SP110: variants seen among roughly 807,000 people sequenced by gnomAD.
The protein encoded by SP110 is interferon-induced protein 41, 30kD.
In SP110, 62 loss-of-function variants were observed where a neutral mutation model predicts 92.7. That is an observed-to-expected ratio of 0.67 (90% CI 0.55 to 0.83). SP110 has a LOEUF of 0.83. SP110 is among the 40% of genes least tolerant of loss of function. SP110 has a pLI of 0.00. For missense variants in SP110, 793 were observed against 863.9 expected (o/e 0.92, Z 1.03); for synonymous variants, 273 against 305.3 (o/e 0.89, Z 1.10).
chr2:230,213,033 A>G lies in SP110; in HGVS notation c.317-6T>C, dbSNP rs748232014. On this transcript the variant is annotated splice_polypyrimidine_tract_variant and splice_region_variant and intron_variant, in intron 3 of 18. Coordinates refer to ENST00000258381, the MANE Select transcript of SP110 (RefSeq NM_080424.4). Reference sequence around the variant, plus strand: ...CCATTCATAGGAAGCACCAACTGGGATTGGTGAAGGGACACACATCAGTAC... The same window carrying G: ...CCATTCATAGGAAGCACCAACTGGGGTTGGTGAAGGGACACACATCAGTAC... 1.9e-6 allele frequency: 3 copies of G among 1,613,752 alleles called. No homozygotes were observed.
At chr2:230,222,613 A>G (rs1246806207), upstream of SP110, among the ~76,000 whole-genome samples, 2 of 151,822 alleles carry the variant, frequency 1.3e-5, no homozygotes, top group East Asian at 1.9e-4. Context: ...GGTCCCCGCT[A>G]TCAGGGAGAC....
chr2:230,202,917 G>A, intron 8 of SP110, 189 bp from the exon 9 acceptor site: 3 of 622,066 alleles, frequency 4.8e-6, no homozygotes, highest in Non-Finnish European at 8.5e-6. Flanking sequence ...ACCTTTCTTT[G>A]CCTCCCCAAA....
Position 230,200,931 on chromosome 2 carries a change from T to C in SP110, c.1083A>G (p.Gly361=). ...IIDGTSEMNE[G]KRSQKTPSTP... ...TACTAGGCGTCTTCTGGGACCTCTT[T>C]CCTTCATTCATTTCTGAAGTGCCAT... is the stretch of plus-strand genomic sequence containing the variant. The change falls in exon 10 of 19, where the codon GGA becomes GGG. Residue 361 remains glycine (G), a synonymous_variant. Coordinates refer to ENST00000258381, the MANE Select transcript of SP110 (RefSeq NM_080424.4). 1 of 1,614,006 alleles carries C rather than the reference T, an allele frequency of 6.2e-7. No individual in the cohort carries two copies. Among genetic ancestry groups the C allele is most frequent in the Non-Finnish European group, 8.5e-7 (1 of 1,179,872 alleles).
At position 230,200,894 on chromosome 2, in the gene SP110, CCCTT is replaced by C. The variant is rs2148850717; in HGVS notation, c.1116_1119del (p.Arg373SerfsTer22). ...AATCTCCAAGTTTTACCTTGTGTGACCCTTCGTGGTGTACTAGGCGTCTTCTGGG... is the reference window on the plus strand; with the variant it reads ...AATCTCCAAGTTTTACCTTGTGTGACCGTGGTGTACTAGGCGTCTTCTGGG... On this transcript the variant is annotated frameshift_variant, in exon 10 of 19. Coordinates refer to ENST00000258381, the MANE Select transcript of SP110 (RefSeq NM_080424.4). LOFTEE classifies it high-confidence loss of function. 2 of 1,612,196 alleles carry C rather than the reference CCCTT, an allele frequency of 1.2e-6. No individual in the cohort carries two copies. Among genetic ancestry groups the C allele is most frequent in the Non-Finnish European group, 8.5e-7 (1 of 1,178,268 alleles).
chr2:230,217,826 G>A (rs2045391735), intron 1 of SP110, among the ~76,000 whole-genome samples: 1 of 152,170 alleles, frequency 6.6e-6, no homozygotes, highest in Admixed American at 6.5e-5. Flanking sequence ...ATGCAACAGG[G>A]ACCACCCTAA....
chr2:230,205,238 A>T (rs2043638264), intron 8 of SP110, among the ~76,000 whole-genome samples: 1 of 152,134 alleles, frequency 6.6e-6, no homozygotes, highest in Admixed American at 6.5e-5. Context: ...TTTCAAGTTA[A>T]ACTACAACAG....
At position 230,165,838 on chromosome 2, in the gene SP110, T is replaced by C. The variant is rs3731723; in HGVS notation, c.*3286A>G. Among the ~76,000 whole-genome samples the C allele has an allele frequency of 0.57, 86,100 of 151,112 alleles. 24,603 individuals carry two copies. Among genetic ancestry groups the C allele is most frequent in the Non-Finnish European group, 0.6 (40,459 of 67,866 alleles). On this transcript the variant is annotated 3_prime_UTR_variant, in exon 19 of 19. Transcript: ENST00000258381. The stretch of plus-strand genomic sequence containing the variant: ...AGAAAAAAAATAGACAAAAATAACA[T>C]TAAAACATTAAAAAGAGAAATATTA...
intron 10 of SP110, 172 bp downstream of exon 10, chr2:230,200,713 T>C: frequency 1.5e-6 from 1 of 645,900 alleles, no homozygotes; most frequent in Non-Finnish European, 2.8e-6. Context: ...CATATATTTG[T>C]AGTAGTAAAT....
At position 230,208,000 on chromosome 2, in the gene SP110, G is replaced by C. The variant is rs1408085189; in HGVS notation, c.889C>G (p.Leu297Val). 2.6e-6 allele frequency: 4 copies of C among 1,548,502 alleles called. No individual in the cohort carries two copies. Among genetic ancestry groups the C allele is most frequent in the Non-Finnish European group, 3.6e-6 (4 of 1,123,556 alleles). ...TPKRRHKKKS[L>V]PGGTASSRHG... Reference sequence around the variant, plus strand: ...TGTACTCTCATCTTACCTCCTGGGAGGCTTTTTTTCTTATGTCTCCTTTTT... The same window carrying C: ...TGTACTCTCATCTTACCTCCTGGGACGCTTTTTTTCTTATGTCTCCTTTTT... Residue 297 changes from leucine (L) to valine (V), a missense_variant, in exon 8 of 19, where the codon CTC becomes GTC. By Grantham distance (32) the Leu-to-Val change is conservative (BLOSUM62 1). Transcript: ENST00000258381.
intron 2 of SP110, 78 bp downstream of exon 2, chr2:230,216,703 G>T (rs2045219373): frequency 1.3e-6 from 2 of 1,561,230 alleles, no homozygotes; most frequent in Middle Eastern, 4.3e-4. Flanking sequence ...AAGCCCTGGT[G>T]GTTTGTGGTT....
At chr2:230,177,456 C>T (rs751543294) in intron 14 of SP110, 82 bp downstream of exon 14, 127 of 1,386,136 alleles carry the variant, frequency 9.2e-5, no homozygotes, top group Non-Finnish European at 1.2e-4. Context: ...CTAACGGGAG[C>T]TCTTCACATT....
At chr2:230,170,428 G>A (rs2078406039) in intron 18 of SP110, among the ~76,000 whole-genome samples, 193 bp downstream of exon 18, 1 of 151,594 alleles carries the variant, frequency 6.6e-6, no homozygotes, top group South Asian at 2.1e-4. Context: ...TCCCTCCCCT[G>A]TCCTGCTTGC....
At chr2:230,215,894 A>G (rs558466760) in intron 2 of SP110, among the ~76,000 whole-genome samples, 2 of 152,290 alleles carry the variant, frequency 1.3e-5, no homozygotes, top group South Asian at 2.1e-4. Flanking sequence ...AGGGGTCTTC[A>G]TGAGATGAGT....
At chr2:230,224,533 G>GGA (rs138737381), upstream of SP110, among the ~76,000 whole-genome samples, 3 of 150,724 alleles carry the variant, frequency 2.0e-5, no homozygotes, top group East Asian at 1.9e-4. Flanking sequence ...GAGAGAGAGA[G>GGA]GAGAGAGAGA....
chr2:230,179,781 A>G (rs1277939483), intron 12 of SP110, among the ~76,000 whole-genome samples: 2 of 151,802 alleles, frequency 1.3e-5, no homozygotes, highest in Non-Finnish European at 2.9e-5. Flanking sequence ...TCCCAAACAC[A>G]TTCACAAGCA....
intron 10 of SP110, among the ~76,000 whole-genome samples, chr2:230,194,683 T>G (rs2042783067): frequency 6.6e-6 from 1 of 152,210 alleles, no homozygotes; most frequent in Non-Finnish European, 1.5e-5. Flanking sequence ...ACTCCAAATC[T>G]AATCCAGTTT....
chr2:230,172,133 G>A lies in SP110; in HGVS notation c.1748C>T (p.Ser583Leu). ...TACATGATGGCACTGTTGGCTTCCT[G>A]AAGACCTCTTCATCCTGCAGAAGGT... ...SCTFCRMKRS[S>L]GSQQCHHVSK... Residue 583 changes from serine to leucine, a missense_variant, in exon 16 of 19, where the codon TCA (serine) becomes TTA (leucine). Physicochemically the swap from Ser to Leu is moderately radical, Grantham distance 145 (BLOSUM62 -2). Transcript: ENST00000258381. 6.2e-7 allele frequency: 1 copy of A among 1,613,654 alleles called. No individual in the cohort carries two copies. The highest frequency in any genetic ancestry group is 8.5e-7 in the Non-Finnish European group (1 of 1,179,526).
intron 2 of SP110, 74 bp from the exon 3 acceptor site, chr2:230,215,192 A>T (rs1356599467): frequency 8.2e-7 from 1 of 1,214,400 alleles, no homozygotes. Context: ...ATGGTTTTCT[A>T]AGTTTTAAGA....
At chr2:230,178,279 T>C in intron 12 of SP110, 24 bp from the exon 13 acceptor site, 1 of 1,392,384 alleles carries the variant, frequency 7.2e-7, no homozygotes, top group Non-Finnish European at 1.0e-6. Context: ...AGAACAGTTT[T>C]GTGTTATTCA....
Sources: gnomAD v4.1 joint callset for allele counts (sites outside exome capture counted in the v4.1 genomes callset) on GRCh38, gnomAD v4.1.1 for gene constraint, MANE v1.5 for transcripts, NCBI Gene and HGNC (gene_info 2026-07-23, HGNC 2026-07-21) for gene names.